Variants in ZFP64 observed in about 807,000 individuals in gnomAD.
ZFP64 encodes ZFP64 zinc finger protein.
In ZFP64, 14 loss-of-function variants were observed where a neutral mutation model predicts 51.6. The observed-to-expected ratio is 0.27, with a 90% CI of 0.18 to 0.42. The LOEUF (loss-of-function observed/expected upper bound fraction) is 0.42. ZFP64 is among the 10% of genes least tolerant of loss of function. ZFP64 has a pLI of 1.00. For missense variants in ZFP64, 754 were observed against 906.8 expected, an observed-to-expected ratio of 0.83 and a Z score of 2.16; for synonymous variants, 375 against 361.4, an observed-to-expected ratio of 1.04 and a Z score of -0.43.
At chr20:52,172,441 G>A (rs1982831043) in intron 2 of ZFP64, among the ~76,000 whole-genome samples, 1 of 152,112 alleles carries the variant, frequency 6.6e-6, no homozygotes, top group Non-Finnish European at 1.5e-5. Flanking sequence ...AAGTTCTTGA[G>A]AATTCTCAGT....
chr20:52,108,994 C>CT (rs1978405680), intron 5 of ZFP64, among the ~76,000 whole-genome samples: 1 of 152,000 alleles, frequency 6.6e-6, no homozygotes, highest in South Asian at 2.1e-4. Context: ...TCCCATTTGC[C>CT]TATTACACAG....
intron 5 of ZFP64, among the ~76,000 whole-genome samples, chr20:52,145,077 C>T (rs1212293532): frequency 6.6e-6 from 1 of 152,172 alleles, no homozygotes; most frequent in Non-Finnish European, 1.5e-5. Context: ...AAGAAAAGAG[C>T]TCCAGCTTAT....
At chr20:52,135,632 A>G (rs1211888890) in intron 5 of ZFP64, among the ~76,000 whole-genome samples, 1 of 152,020 alleles carries the variant, frequency 6.6e-6, no homozygotes, top group Non-Finnish European at 1.5e-5. Context: ...TACTACAGGC[A>G]TGTGTCATCA....
chr20:52,087,084 C>A (rs1224049658), intron 8 of ZFP64, among the ~76,000 whole-genome samples: 1 of 152,010 alleles, frequency 6.6e-6, no homozygotes, highest in African/African-American at 2.4e-5. Flanking sequence ...AATCATTTCC[C>A]AACTCTTGAG....
intron 2 of ZFP64, among the ~76,000 whole-genome samples, 197 bp downstream of exon 2, chr20:52,186,635 G>A (rs1009978816): frequency 7.3e-5 from 11 of 150,782 alleles, no homozygotes; most frequent in African/African-American, 2.7e-4. Flanking sequence ...ATTTATAACT[G>A]CTAACAGTTA....
intron 5 of ZFP64, among the ~76,000 whole-genome samples, chr20:52,112,492 A>C (rs1355563321): frequency 6.6e-6 from 1 of 152,252 alleles, no homozygotes; most frequent in Non-Finnish European, 1.5e-5. Context: ...TCCATATATT[A>C]AATGGGGAAA....
downstream of ZFP64, among the ~76,000 whole-genome samples, chr20:52,150,343 C>T (rs1980732633): frequency 6.6e-6 from 1 of 151,658 alleles, no homozygotes; most frequent in African/African-American, 2.4e-5. Context: ...ATCTTGAATA[C>T]ACATTATAAT....
At chr20:52,177,401 A>C (rs1983306752) in intron 2 of ZFP64, among the ~76,000 whole-genome samples, 1 of 152,006 alleles carries the variant, frequency 6.6e-6, no homozygotes, top group Non-Finnish European at 1.5e-5. Context: ...AACTGCCTCC[A>C]CTACAGTGCA....
intron 2 of ZFP64, among the ~76,000 whole-genome samples, chr20:52,183,306 A>C (rs1046529798): frequency 2.0e-5 from 3 of 152,158 alleles, no homozygotes; most frequent in Admixed American, 2.0e-4. Context: ...GCCCAGAAAG[A>C]AGCAATGGCC....
chr20:52,156,581 G>T (rs767752813), intron 5 of ZFP64, among the ~76,000 whole-genome samples: 9 of 152,182 alleles, frequency 5.9e-5, no homozygotes, highest in African/African-American at 2.2e-4. Flanking sequence ...GCTGATCCCC[G>T]CATGGGAACC....
At chr20:52,167,309 G>A (rs990828568) in intron 2 of ZFP64, among the ~76,000 whole-genome samples, 1 of 151,728 alleles carries the variant, frequency 6.6e-6, no homozygotes, top group African/African-American at 2.4e-5. Context: ...TGGGCGACAA[G>A]AGCAAAACTC....
chr20:52,133,067 A>G (rs1411054350), intron 5 of ZFP64, among the ~76,000 whole-genome samples: 3 of 152,222 alleles, frequency 2.0e-5, no homozygotes, highest in Non-Finnish European at 2.9e-5. Flanking sequence ...AAATCACTCA[A>G]TGTAATACAT....
intron 2 of ZFP64, among the ~76,000 whole-genome samples, chr20:52,169,093 ATTGAAC>A (rs1454678831): frequency 1.3e-5 from 2 of 152,216 alleles, no homozygotes; most frequent in African/African-American, 2.4e-5. Context: ...ATGTAACTTC[ATTGAAC>A]TTGTTTTCTC....
chr20:52,187,569 C>T (rs965025857), intron 1 of ZFP64, among the ~76,000 whole-genome samples: 15 of 151,904 alleles, frequency 9.9e-5, no homozygotes, highest in African/African-American at 3.6e-4. Flanking sequence ...TTGCAGTGAG[C>T]TGAGATCACA....
At chr20:52,126,338 A>C (rs548495977) in intron 5 of ZFP64, among the ~76,000 whole-genome samples, 226 of 152,318 alleles carry the variant, frequency 1.5e-3, no homozygotes, top group African/African-American at 5.4e-3. Flanking sequence ...GAAGATGTGG[A>C]GCTGGAATTT....
intron 4 of ZFP64, among the ~76,000 whole-genome samples, chr20:52,161,346 C>A (rs1311810572): frequency 6.6e-6 from 1 of 151,566 alleles, no homozygotes; most frequent in Non-Finnish European, 1.5e-5. Context: ...TGGCTAACAT[C>A]AATTTAAATA....
rs1054259132 is a variant in ZFP64, at chr20:52,142,657, T to C, written c.763+17466A>G. 3.3e-5 allele frequency among the ~76,000 whole-genome samples: 5 copies of C among 149,800 alleles called. 1 individual carries two copies. Among genetic ancestry groups the C allele is most frequent in the African/African-American group, 1.2e-4 (5 of 41,066 alleles). Reference sequence around the variant, plus strand: ...GAGTTTGAGACCAGCCTGACCAACATGGTGAAACCCTGTCTCTACTAAAAA... The same window carrying C: ...GAGTTTGAGACCAGCCTGACCAACACGGTGAAACCCTGTCTCTACTAAAAA... On this transcript the variant is annotated intron_variant, in intron 5 of 8. Transcript: ENST00000361387.
At chr20:52,119,530 AAAAAT>A (rs1298955514) in intron 5 of ZFP64, among the ~76,000 whole-genome samples, 166 of 98,622 alleles carry the variant, frequency 1.7e-3, no homozygotes, top group African/African-American at 6.1e-3. Context: ...TAAAAAAAAA[AAAAAT>A]ATATATATAT....
chr20:52,115,703 T>C (rs2009859), intron 5 of ZFP64, among the ~76,000 whole-genome samples: 107,628 of 151,720 alleles, frequency 0.71, 38,593 homozygotes, highest in African/African-American at 0.78. Context: ...GTGTGAGACA[T>C]AGCACCCAGC....
Sources: allele counts gnomAD v4.1 joint callset (sites outside exome capture counted in the v4.1 genomes callset), GRCh38; gene constraint gnomAD v4.1.1; transcripts MANE v1.5; gene names NCBI Gene and HGNC (gene_info 2026-07-23, HGNC 2026-07-21).